PAXIP1: variants seen among roughly 807,000 people sequenced by gnomAD.
PAXIP1 encodes PAX-interacting protein 1.
Under a neutral mutation model 140.6 loss-of-function variants are expected in PAXIP1, and 19 were observed. The ratio of observed to expected loss-of-function variants is 0.14; its 90% CI spans 0.09 to 0.20. PAXIP1 has a LOEUF of 0.20. Among genes scored for constraint, PAXIP1 ranks in the 10% least tolerant of loss-of-function variants. The probability of loss-of-function intolerance (pLI) is 1.00; values close to 1 mark genes in which losing one functional copy is unlikely to be tolerated. For missense variants in PAXIP1, 920 were observed against 1,208.6 expected (o/e 0.76, Z 3.54); for synonymous variants, 442 against 444.6 (o/e 0.99, Z 0.07).
intron 8 of PAXIP1, among the ~76,000 whole-genome samples, chr7:154,966,362 G>A (rs1464570090): frequency 6.6e-6 from 1 of 152,186 alleles, no homozygotes; most frequent in Admixed American, 6.5e-5. Flanking sequence ...CATTGTGAAT[G>A]TTCCCAGTTG....
chr7:154,997,426 T>C (rs922457683), intron 2 of PAXIP1, among the ~76,000 whole-genome samples: 1 of 152,170 alleles, frequency 6.6e-6, no homozygotes, highest in African/African-American at 2.4e-5. Context: ...CTGGCAATCT[T>C]TCTTAATTCC....
At chr7:154,961,173 T>A (rs1808738973) in intron 11 of PAXIP1, 96 bp from the exon 12 acceptor site, 1 of 1,050,896 alleles carries the variant, frequency 9.5e-7, no homozygotes, top group Admixed American at 3.1e-5. Flanking sequence ...AATAAAAAAT[T>A]TCTCATAATA....
rs1319451817 is a variant in PAXIP1 at position 154,956,325 on chromosome 7, C to T, written c.2550-694G>A. 2 of 151,730 alleles carry T rather than the reference C, an allele frequency of 1.3e-5. No homozygotes were observed. The highest frequency in any genetic ancestry group is 2.9e-5 in the Non-Finnish European group (2 of 67,992). 9.4% of individuals were successfully genotyped at this position (151,730 alleles called of 1,614,324 possible). On this transcript the variant is annotated intron_variant, in intron 14 of 20. Coordinates refer to ENST00000404141, the MANE Select transcript of PAXIP1 (RefSeq NM_007349.4). This position sits in a 1 kb window ranked among gnomAD's most constrained non-coding sequence, Gnocchi z 4.2. The stretch of plus-strand genomic sequence containing the variant: ...AAATCACATAATTAGGATTTTATTA[C>T]AAAAGTCAACAGTTCAGTTTGTGTT...
intron 20 of PAXIP1, chr7:154,944,546 G>C (rs2293258): frequency 0.56 from 91,902 of 164,256 alleles, 26,261 homozygotes; most frequent in Admixed American, 0.65. Context: ...GGAGCAGGTA[G>C]TGACCTCTGC....
Position 154,955,631 on chromosome 7 carries a change from T to C in PAXIP1, c.2550A>G (p.Arg850=), listed in dbSNP as rs1344534675. Residue 850 remains arginine, a splice_region_variant and synonymous_variant, in exon 15 of 21, where the codon AGA becomes AGG. Transcript: ENST00000404141. ...TAGTGGGAGGTGGTACGTCTTCAAT[T>C]CTGTGGAAGAAATACACATAAAATA... ...ANVQPSSKRA[R]IEDVPPPTKK... The C allele has an allele frequency of 6.5e-7, 1 of 1,533,210 alleles. No homozygotes were observed. The highest frequency in any genetic ancestry group is 2.3e-5 in the East Asian group (1 of 43,052). 95.0% of individuals were successfully genotyped at this position (1,533,210 alleles called of 1,614,324 possible). A position where few individuals can be genotyped will look rare whatever the true frequency, so the allele number is the denominator to read the frequency against.
In PAXIP1 at chr7:154,947,921, G is replaced by A. The variant is rs755092789; in HGVS notation, c.2904C>T (p.His968=). 14 of 1,610,158 alleles carry A rather than the reference G, an allele frequency of 8.7e-6. No individual in the cohort carries two copies. Among genetic ancestry groups the A allele is most frequent in the East Asian group, 2.2e-5 (1 of 44,876 alleles). Residue 968 remains histidine, a synonymous_variant, in exon 17 of 21, where the codon CAC becomes CAT. Coordinates refer to ENST00000404141, the MANE Select transcript of PAXIP1 (RefSeq NM_007349.4). ...AGTGTACCTTAAAGAGTGGAGAAAC[G>A]TGTGCCCGTTTTAAGGATTCTTCCA... ...FSLEESLKRA[H]VSPLFKAKYF... is the part of the protein sequence containing the mutation.
chr7:155,000,451 A>G (rs1288167488), intron 1 of PAXIP1: 1 of 151,998 alleles, frequency 6.6e-6, no homozygotes, highest in Admixed American at 6.6e-5. Flanking sequence ...TGTTCCCTCC[A>G]CCTGTAAACA....
chr7:154,953,491 A>G lies in PAXIP1; in HGVS notation c.2821+764T>C, dbSNP rs553664924. Reference sequence around the variant, plus strand: ...AAGCTTGTCATGGGGCATGTGTCTGAGCCTTTCAACCCAGACAGGGCCCAG... The same window carrying G: ...AAGCTTGTCATGGGGCATGTGTCTGGGCCTTTCAACCCAGACAGGGCCCAG... On this transcript the variant is annotated intron_variant, in intron 16 of 20. Transcript: ENST00000404141. 1.2e-4 allele frequency among the ~76,000 whole-genome samples: 18 copies of G among 152,254 alleles called. No homozygotes were observed. The South Asian group carries it at 3.5e-3, about 30-fold the overall frequency.
chr7:154,965,368 C>T (rs901806952), intron 8 of PAXIP1: 2 of 152,260 alleles, frequency 1.3e-5, no homozygotes, highest in East Asian at 3.8e-4. Context: ...GATTTCTGAC[C>T]CACGACCAAA....
intron 4 of PAXIP1, among the ~76,000 whole-genome samples, chr7:154,985,461 G>A (rs563153552): frequency 6.4e-4 from 97 of 152,124 alleles, no homozygotes; most frequent in Middle Eastern, 3.4e-3. Flanking sequence ...TCCTCACCAC[G>A]TTCTGCTTTC....
intron 13 of PAXIP1, among the ~76,000 whole-genome samples, chr7:154,957,898 C>T (rs545753751): frequency 7.1e-6 from 1 of 140,258 alleles, no homozygotes; most frequent in South Asian, 2.3e-4. Flanking sequence ...ACCCGGGAAG[C>T]GGAGCTTGCA....
At position 154,946,501 on chromosome 7, in the gene PAXIP1, G is replaced by C; in HGVS notation, c.3133+11C>G. Reference sequence around the variant, plus strand: ...GCACACATACTCACACAGGTAAGCGGGGAAACGTACCTATGCCTCTGGCAA... The same window carrying C: ...GCACACATACTCACACAGGTAAGCGCGGAAACGTACCTATGCCTCTGGCAA... On this transcript the variant is annotated intron_variant, in intron 19 of 20. Coordinates refer to ENST00000404141, the MANE Select transcript of PAXIP1 (RefSeq NM_007349.4). The surrounding 1 kb of genome is among the most constrained non-coding windows in gnomAD (Gnocchi z 4.9). The C allele has an allele frequency of 6.2e-7, 1 of 1,613,280 alleles. No individual in the cohort carries two copies. The highest frequency in any genetic ancestry group is 8.5e-7 in the Non-Finnish European group (1 of 1,179,206).
intron 4 of PAXIP1, chr7:154,985,966 T>C: frequency 7.6e-7 from 1 of 1,313,956 alleles, no homozygotes; most frequent in South Asian, 1.2e-5. Flanking sequence ...ATTCAAATCA[T>C]GACCTAGCCA....
At chr7:154,994,077 T>C (rs1477329233) in intron 2 of PAXIP1, among the ~76,000 whole-genome samples, 2 of 152,122 alleles carry the variant, frequency 1.3e-5, no homozygotes, top group African/African-American at 4.8e-5. Context: ...CTGCCACCCA[T>C]CCTGCCCCAC....
intron 3 of PAXIP1, 115 bp downstream of exon 3, chr7:154,993,611 C>T: frequency 1.3e-6 from 1 of 791,012 alleles, no homozygotes; most frequent in South Asian, 1.6e-5. Context: ...AAGATGTAGA[C>T]AAAACAATCT....
At chr7:154,988,926 G>A (rs1206742519) in intron 4 of PAXIP1, among the ~76,000 whole-genome samples, 1 of 152,182 alleles carries the variant, frequency 6.6e-6, no homozygotes, top group Non-Finnish European at 1.5e-5. Context: ...GGAACATACA[G>A]AGAAGTAGAG....
intron 12 of PAXIP1, among the ~76,000 whole-genome samples, chr7:154,960,479 A>C (rs1248575332): frequency 1.3e-5 from 2 of 152,204 alleles, no homozygotes; most frequent in Admixed American, 6.5e-5. Flanking sequence ...GACTATCAAA[A>C]AGCTTTCAAG....
chr7:154,962,342 T>A lies in PAXIP1; in HGVS notation c.2106A>T (p.Gly702=), dbSNP rs1467230167. 1 of 1,613,874 alleles carries A rather than the reference T, an allele frequency of 6.2e-7. No homozygotes were observed. Among genetic ancestry groups the A allele is most frequent in the Non-Finnish European group, 8.5e-7 (1 of 1,179,844 alleles). ...ALHFPVAFPP[G]GKPCSQHIIS... Reference sequence around the variant, plus strand: ...TTACATGCTGTGAACATGGCTTTCCTCCTGGTGGGAAGGCCACTGGGAAGT... The same window carrying A: ...TTACATGCTGTGAACATGGCTTTCCACCTGGTGGGAAGGCCACTGGGAAGT... The change falls in exon 10 of 21, where the codon GGA becomes GGT. Residue 702 remains glycine, a synonymous_variant. Transcript: ENST00000404141.
intron 20 of PAXIP1, 27 bp from the exon 21 acceptor site, chr7:154,944,191 C>T (rs909306355): frequency 6.3e-7 from 1 of 1,591,656 alleles, no homozygotes. Context: ...AAACGACTTT[C>T]AAACACAAGG....
Sources: gnomAD v4.1 joint callset for allele counts (sites outside exome capture counted in the v4.1 genomes callset) on GRCh38, gnomAD v4.1.1 for gene constraint, Gnocchi (gnomAD v3.1) non-coding constraint, MANE v1.5 for transcripts, NCBI Gene and HGNC (gene_info 2026-07-23, HGNC 2026-07-21) for gene names.